The following SETX variants were observed in gnomAD, a reference collection of about 807,000 sequenced individuals.
SETX encodes the protein helicase senataxin.
SETX carries 90 observed loss-of-function variants against 227.2 expected under a neutral mutation model. That is an observed-to-expected ratio of 0.40 (90% confidence interval 0.33 to 0.47). The LOEUF (loss-of-function observed/expected upper bound fraction) is 0.47. Among genes scored for constraint, SETX ranks in the 20% least tolerant of loss-of-function variants. SETX has a pLI of 0.91. For missense variants in SETX, 3,052 were observed against 3,181.5 expected (o/e 0.96, Z 0.98); for synonymous variants, 1,210 against 1,113.2 (o/e 1.09, Z -1.73).
chr9:132,295,017 G>A (rs1844588795), intron 15 of SETX, among the ~76,000 whole-genome samples: 1 of 152,212 alleles, frequency 6.6e-6, no homozygotes, highest in Admixed American at 6.5e-5. Context: ...ACTAAATTTG[G>A]TAGGGAAGAC....
intron 4 of SETX, 114 bp downstream of exon 4, chr9:132,346,147 T>C: frequency 1.2e-6 from 1 of 840,868 alleles, no homozygotes; most frequent in Non-Finnish European, 1.9e-6. Context: ...AAGTCCTAAT[T>C]ATATATCCTA....
At chr9:132,306,774 A>G (rs1227116162) in intron 11 of SETX, among the ~76,000 whole-genome samples, 1 of 152,128 alleles carries the variant, frequency 6.6e-6, no homozygotes, top group Admixed American at 6.5e-5. Flanking sequence ...GACCATTCAC[A>G]TATGTGATCA....
In SETX at chr9:132,328,551, A is replaced by G. The variant is rs200856903; in HGVS notation, c.3047T>C (p.Ile1016Thr). The stretch of plus-strand genomic sequence containing the variant: ...ATCATCATCATCATCAGAATCTGAA[A>G]TAATAATAACCTGTCCACGGGAGGT... ...GDTSRGQVII[I>T]SDSDDDDDER... The change falls in exon 10 of 26, where the codon ATT (isoleucine) becomes ACT (threonine). Residue 1016 changes from isoleucine (I) to threonine (T), a missense_variant. By Grantham distance (89) the Ile-to-Thr change is moderately conservative. Around this residue, in one of 10 missense-constraint regions of SETX, gnomAD observed 1,483 missense variants for 1,312.0 expected, o/e 1.13. Transcript: ENST00000224140. The G allele has an allele frequency of 8.1e-6, 13 of 1,614,020 alleles. No homozygotes were observed. The highest frequency in any genetic ancestry group is 3.3e-4 in the Middle Eastern group (2 of 6,060).
chr9:132,300,565 G>C, intron 12 of SETX, 65 bp downstream of exon 12: 3 of 1,521,860 alleles, frequency 2.0e-6, no homozygotes, highest in Non-Finnish European at 2.7e-6. Flanking sequence ...ATACACAATT[G>C]AGAAGTAGAT....
intron 14 of SETX, among the ~76,000 whole-genome samples, chr9:132,296,277 G>A (rs938546917): frequency 1.5e-4 from 23 of 152,224 alleles, no homozygotes; most frequent in African/African-American, 5.3e-4. Context: ...TCCAAGCCAG[G>A]CACAGTGGCT....
rs200255638 is a variant in SETX, at chr9:132,328,223, A to T, written c.3375T>A (p.Asp1125Glu). The T allele has an allele frequency of 6.2e-7, 1 of 1,614,138 alleles. No homozygotes were observed. Reference sequence around the variant, plus strand: ...CTTTTTTAACAACTTCAGATACATAATCTGTACAACCCTGACCATTTGTAG... The same window carrying T: ...CTTTTTTAACAACTTCAGATACATATTCTGTACAACCCTGACCATTTGTAG... ...ANTTNGQGCT[D>E]YVSEVVKKGA... The change falls in exon 10 of 26, where the codon GAT (aspartate) becomes GAA (glutamate). Residue 1125 changes from aspartate to glutamate, a missense_variant. Around this residue, in one of 10 missense-constraint regions of SETX, gnomAD observed 1,483 missense variants for 1,312.0 expected, o/e 1.13. Coordinates refer to ENST00000224140, the MANE Select transcript of SETX (RefSeq NM_015046.7).
At chr9:132,305,580 TGAG>T (rs1417698542) in intron 11 of SETX, among the ~76,000 whole-genome samples, 3 of 152,082 alleles carry the variant, frequency 2.0e-5, no homozygotes, top group Non-Finnish European at 4.4e-5. Context: ...TCTGACAGAC[TGAG>T]AAGAGCACAA....
chr9:132,282,234 A>G (rs1843573460), intron 19 of SETX, among the ~76,000 whole-genome samples: 1 of 151,672 alleles, frequency 6.6e-6, no homozygotes, highest in African/African-American at 2.4e-5. Context: ...ATGAGCCTGA[A>G]AAATTTTTCT....
chr9:132,327,264 A>G lies in SETX; in HGVS notation c.4334T>C (p.Val1445Ala), dbSNP rs759653127. ...TGTTGGTACTGTTCCATTTAACACT[A>G]CAGAATCACACTGGTTCAAAGGGCA... ...DACPLNQCDS[V>A]VLNGTVPTNE... The change falls in exon 10 of 26, where the codon GTA (valine) becomes GCA (alanine). Residue 1445 changes from valine to alanine, a missense_variant. Around this residue, in one of 10 missense-constraint regions of SETX, gnomAD observed 1,483 missense variants for 1,312.0 expected, o/e 1.13. Coordinates refer to ENST00000224140, the MANE Select transcript of SETX (RefSeq NM_015046.7). 1.4e-5 allele frequency: 22 copies of G among 1,614,054 alleles called. No homozygotes were observed. The highest frequency in any genetic ancestry group is 1.8e-5 in the Non-Finnish European group (21 of 1,180,036).
In SETX at chr9:132,327,405, C is replaced by CAATT; in HGVS notation, c.4189_4192dup (p.Cys1398Ter). On this transcript the variant is annotated stop_gained and frameshift_variant, in exon 10 of 26. Coordinates refer to ENST00000224140, the MANE Select transcript of SETX (RefSeq NM_015046.7). LOFTEE classifies it high-confidence loss of function. ...GGCAAGTACCTCAGTTCCTCCTGTA[C>CAATT]AATTATAATCTGACCTATCAGATTC... 6.2e-7 allele frequency: 1 copy of CAATT among 1,614,204 alleles called. No homozygotes were observed. The highest frequency in any genetic ancestry group is 8.5e-7 in the Non-Finnish European group (1 of 1,180,028).
intron 19 of SETX, among the ~76,000 whole-genome samples, chr9:132,282,366 T>C (rs1843592628): frequency 6.6e-6 from 1 of 151,406 alleles, no homozygotes; most frequent in Admixed American, 6.6e-5. Context: ...GACATGATCG[T>C]TGTTCACCGC....
chr9:132,291,034 TAATA>T (rs1159090420), intron 15 of SETX, among the ~76,000 whole-genome samples: 11 of 152,082 alleles, frequency 7.2e-5, no homozygotes. Flanking sequence ...GGTGGGCACA[TAATA>T]AATACAATGA....
intron 10 of SETX, among the ~76,000 whole-genome samples, chr9:132,318,181 T>G (rs1240424189): frequency 6.6e-6 from 1 of 152,214 alleles, no homozygotes; most frequent in Admixed American, 6.5e-5. Context: ...CTCTAATGAT[T>G]GTGTCCTCTA....
chr9:132,347,093 A>G (rs1848333621), intron 3 of SETX, among the ~76,000 whole-genome samples: 2 of 151,910 alleles, frequency 1.3e-5, no homozygotes, highest in South Asian at 4.2e-4. Flanking sequence ...CGTCTCTACT[A>G]AAAATACAAA....
chr9:132,314,949 G>A (rs1250979339), intron 10 of SETX, among the ~76,000 whole-genome samples: 1 of 104,974 alleles, frequency 9.5e-6, no homozygotes, highest in Non-Finnish European at 1.8e-5. Context: ...GTCTTGCTCT[G>A]TTGCCCAGGC....
Position 132,329,526 on chromosome 9 carries a change from T to C in SETX, c.2072A>G (p.Gln691Arg), listed in dbSNP as rs559032780. 2.8e-5 allele frequency: 45 copies of C among 1,612,878 alleles called. No homozygotes were observed. The South Asian group carries it at 4.7e-4, about 17-fold the overall frequency. ...DHLLAGSCLKQSSKNIFTERA... is the reference protein window; with the variant it reads ...DHLLAGSCLKRSSKNIFTERA... ...TTCAGTAAAAATGTTTTTACTACTC[T>C]GCTTTAAGCATGACCCAGCTAAGAG... The change falls in exon 10 of 26, where the codon CAG (glutamine) becomes CGG (arginine). Residue 691 changes from glutamine to arginine, a missense_variant. This residue lies in a region of SETX where 1,483 missense variants were observed against 1,312.0 expected (regional missense o/e 1.13). Coordinates refer to ENST00000224140, the MANE Select transcript of SETX (RefSeq NM_015046.7).
At chr9:132,356,701 C>T (rs1280488802), upstream of SETX, among the ~76,000 whole-genome samples, 1 of 152,114 alleles carries the variant, frequency 6.6e-6, no homozygotes, top group Non-Finnish European at 1.5e-5. Flanking sequence ...GGATGAGGAG[C>T]AAGCCCAGGG....
At chr9:132,336,900 C>T (rs1374065929) in intron 5 of SETX, among the ~76,000 whole-genome samples, 3 of 151,960 alleles carry the variant, frequency 2.0e-5, no homozygotes, top group Non-Finnish European at 4.4e-5. Flanking sequence ...CTTGTCTCTA[C>T]TAAAAATACA....
chr9:132,332,249 T>G (rs943490500), intron 7 of SETX, among the ~76,000 whole-genome samples: 6 of 152,206 alleles, frequency 3.9e-5, no homozygotes, highest in African/African-American at 2.4e-5. Flanking sequence ...ACAGCACAAA[T>G]AGATCACTGG....
Sources: allele counts gnomAD v4.1 joint callset (sites outside exome capture counted in the v4.1 genomes callset), GRCh38; gene constraint gnomAD v4.1.1; regional missense constraint gnomAD v4.1.1; transcripts MANE v1.5; gene names NCBI Gene and HGNC (gene_info 2026-07-23, HGNC 2026-07-21).